LRRTM4: variants seen among roughly 807,000 people sequenced by gnomAD.
The protein encoded by LRRTM4 is leucine-rich repeat transmembrane neuronal protein 4.
A neutral mutation model predicts 47.6 loss-of-function variants in LRRTM4; 25 were observed. The observed-to-expected ratio is 0.53, with a 90% CI of 0.38 to 0.73. The LOEUF is 0.73. Among genes scored for constraint, LRRTM4 ranks in the 30% least tolerant of loss-of-function variants. The pLI is 0.00. For missense variants in LRRTM4, 638 were observed against 713.4 expected, an observed-to-expected ratio of 0.89 and a Z score of 1.20; for synonymous variants, 311 against 269.5, an observed-to-expected ratio of 1.15 and a Z score of -1.51.
intron 3 of LRRTM4, among the ~76,000 whole-genome samples, chr2:77,049,568 C>T (rs537610312): frequency 1.3e-5 from 2 of 151,902 alleles, no homozygotes; most frequent in East Asian, 3.9e-4. Flanking sequence ...TTTTGAGATA[C>T]CTGTTGACCG....
At chr2:77,453,238 G>A (rs1207390696) in intron 3 of LRRTM4, among the ~76,000 whole-genome samples, 2 of 139,798 alleles carry the variant, frequency 1.4e-5, no homozygotes, top group Non-Finnish European at 3.0e-5. Context: ...CTGGAGTGCA[G>A]TGGAGCGATC....
chr2:77,154,241 T>C (rs996721288), intron 3 of LRRTM4, among the ~76,000 whole-genome samples: 9 of 152,208 alleles, frequency 5.9e-5, no homozygotes, highest in African/African-American at 2.2e-4. Context: ...CTAAATATGC[T>C]CTGTAGTCCA....
intron 3 of LRRTM4, among the ~76,000 whole-genome samples, chr2:77,094,946 T>C (rs1314510193): frequency 6.6e-6 from 1 of 152,104 alleles, no homozygotes; most frequent in African/African-American, 2.4e-5. Context: ...TGTACCAACC[T>C]AAAAGCTTCT....
At chr2:77,366,087 A>C (rs1041421296) in intron 3 of LRRTM4, among the ~76,000 whole-genome samples, 2 of 151,702 alleles carry the variant, frequency 1.3e-5, no homozygotes, top group Non-Finnish European at 2.9e-5. Context: ...AACATCAATG[A>C]ATATAATGAA....
chr2:77,468,583 A>G lies in LRRTM4; in HGVS notation c.1551+49735T>C, dbSNP rs569640179. Reference sequence around the variant, plus strand: ...GCTAATGGAGCAGACAGACATGTCAAGGGGCAGTCCCCATGCAGCACGGTG... The same window carrying G: ...GCTAATGGAGCAGACAGACATGTCAGGGGGCAGTCCCCATGCAGCACGGTG... On this transcript the variant is annotated intron_variant, in intron 3 of 3. Coordinates refer to ENST00000409884, the MANE Select transcript of LRRTM4 (RefSeq NM_001134745.3). Among the ~76,000 whole-genome samples, 11 of 152,320 alleles carry G rather than the reference A, an allele frequency of 7.2e-5. No individual in the cohort carries two copies. In the South Asian group the frequency reaches 2.3e-3, roughly 32 times the overall value.
intron 3 of LRRTM4, among the ~76,000 whole-genome samples, chr2:77,156,321 C>A (rs868411066): frequency 1.0e-4 from 7 of 67,714 alleles, no homozygotes; most frequent in Admixed American, 1.9e-4. Flanking sequence ...GTAAAAGACA[C>A]AATACAAAAA....
At chr2:77,429,645 A>G (rs1361780731) in intron 3 of LRRTM4, among the ~76,000 whole-genome samples, 1 of 152,236 alleles carries the variant, frequency 6.6e-6, no homozygotes, top group Non-Finnish European at 1.5e-5. Context: ...TGTATGTGGA[A>G]TCAGAAAAAG....
chr2:77,032,559 A>C (rs937005368), intron 3 of LRRTM4, among the ~76,000 whole-genome samples: 1 of 152,100 alleles, frequency 6.6e-6, no homozygotes, highest in South Asian at 2.1e-4. Flanking sequence ...TAAATAATTG[A>C]ATAGATGAAA....
chr2:77,156,483 C>G (rs1470000034), intron 3 of LRRTM4, among the ~76,000 whole-genome samples: 1 of 151,716 alleles, frequency 6.6e-6, no homozygotes, highest in Non-Finnish European at 1.5e-5. Context: ...AAAAATGAAT[C>G]AATCAGAGCT....
At chr2:77,328,332 T>G (rs1166081015) in intron 3 of LRRTM4, among the ~76,000 whole-genome samples, 2 of 152,150 alleles carry the variant, frequency 1.3e-5, no homozygotes, top group African/African-American at 4.8e-5. Context: ...ATAGCAACCT[T>G]GCCAGCTTTG....
chr2:77,083,788 T>TG (rs1680610547), intron 3 of LRRTM4, among the ~76,000 whole-genome samples: 3 of 50,280 alleles, frequency 6.0e-5, no homozygotes, highest in South Asian at 1.2e-3. Context: ...ACACACTTTT[T>TG]TTTTTTTTTT....
At chr2:77,521,233 A>G (rs1679480544) in intron 2 of LRRTM4, among the ~76,000 whole-genome samples, 1 of 151,952 alleles carries the variant, frequency 6.6e-6, no homozygotes, top group African/African-American at 2.4e-5. Flanking sequence ...CTTCAAAGAT[A>G]AAACAAGCCC....
At chr2:76,802,060 A>G (rs1675722422) in intron 3 of LRRTM4, among the ~76,000 whole-genome samples, 4 of 152,166 alleles carry the variant, frequency 2.6e-5, no homozygotes. Context: ...AAAACCAGGA[A>G]CAAGACAAGG....
chr2:76,776,195 G>A lies in LRRTM4; in HGVS notation c.1552-27279C>T, dbSNP rs1018887636. Among the ~76,000 whole-genome samples the A allele has an allele frequency of 7.4e-4, 112 of 152,272 alleles. 1 individual carries two copies. The highest frequency in any genetic ancestry group is 2.6e-3 in the African/African-American group (108 of 41,548). ...GGGTTGGTTCCAAGTCTTTGCTGTT[G>A]TGAATAATGCCGCAATAAACATACA... On this transcript the variant is annotated intron_variant, in intron 3 of 3. Coordinates refer to ENST00000409884, the MANE Select transcript of LRRTM4 (RefSeq NM_001134745.3).
rs192038535 is a variant in LRRTM4, at chr2:77,377,883, T to G, written c.1551+140435A>C. Reference sequence around the variant, plus strand: ...TATCGAAAATGCAAACACATTATTTTGTCTTTTCACACTGAATTTCTTAAA... The same window carrying G: ...TATCGAAAATGCAAACACATTATTTGGTCTTTTCACACTGAATTTCTTAAA... On this transcript the variant is annotated intron_variant, in intron 3 of 3. Transcript: ENST00000409884. 3.3e-5 allele frequency among the ~76,000 whole-genome samples: 5 copies of G among 152,148 alleles called. No individual in the cohort carries two copies. In the East Asian group the frequency reaches 9.7e-4, roughly 29 times the overall value.
At chr2:77,362,158 AAAGAAAGAAAGAAAGG>A (rs1558707406) in intron 3 of LRRTM4, among the ~76,000 whole-genome samples, 1 of 136,466 alleles carries the variant, frequency 7.3e-6, no homozygotes, top group Non-Finnish European at 1.5e-5. Context: ...AGAAAGAAAG[AAAGAAAGAAAGAAAGG>A]AAGGAAGGAA....
chr2:76,807,445 C>CACATATATATATATAT (rs1670540815), intron 3 of LRRTM4, among the ~76,000 whole-genome samples: 5 of 69,308 alleles, frequency 7.2e-5, no homozygotes, highest in Non-Finnish European at 1.2e-4. Context: ...TACGTATATA[C>CACATATATATATATAT]ATATATATAT....
chr2:77,464,514 T>C (rs552863378), intron 3 of LRRTM4, among the ~76,000 whole-genome samples: 2 of 151,760 alleles, frequency 1.3e-5, no homozygotes, highest in East Asian at 3.9e-4. Context: ...TATTTCCTTT[T>C]TTTTCAAACT....
At chr2:77,109,712 A>T (rs1035446123) in intron 3 of LRRTM4, among the ~76,000 whole-genome samples, 3 of 151,910 alleles carry the variant, frequency 2.0e-5, no homozygotes, top group Non-Finnish European at 4.4e-5. Flanking sequence ...ACATAGAATT[A>T]AAAAAAATAG....
Sources: gnomAD v4.1 joint callset for allele counts (sites outside exome capture counted in the v4.1 genomes callset) on GRCh38, gnomAD v4.1.1 for gene constraint, MANE v1.5 for transcripts, NCBI Gene and HGNC (gene_info 2026-07-23, HGNC 2026-07-21) for gene names.